The following NAT10 variants were observed in gnomAD, a reference collection of about 807,000 sequenced individuals.
NAT10 encodes N-acetyltransferase 10.
A neutral mutation model predicts 132.2 loss-of-function variants in NAT10; 109 were observed. The observed-to-expected ratio is 0.82, with a 90% CI of 0.71 to 0.97. NAT10 has a LOEUF of 0.97. Ranked by LOEUF, NAT10 falls within the 50% of genes least tolerant of loss-of-function variation. The probability of loss-of-function intolerance (pLI) is 0.00; values close to 1 mark genes in which losing one functional copy is unlikely to be tolerated. For missense variants in NAT10, 1,184 were observed against 1,263.4 expected (o/e 0.94, Z 0.95); for synonymous variants, 479 against 478.0 (o/e 1.00, Z -0.03).
intron 28 of NAT10, among the ~76,000 whole-genome samples, chr11:34,144,173 G>A (rs1040951461): frequency 1.3e-5 from 2 of 152,122 alleles, no homozygotes; most frequent in East Asian, 1.9e-4. Context: ...AGTGGCTCAC[G>A]CCTGTAATCT....
At chr11:34,109,960 C>G (rs1851664970) in intron 3 of NAT10, among the ~76,000 whole-genome samples, 1 of 152,192 alleles carries the variant, frequency 6.6e-6, no homozygotes, top group African/African-American at 2.4e-5. Flanking sequence ...ATGCCCACAC[C>G]TGGCCAGAGG....
Position 34,142,361 on chromosome 11 carries a change from G to T in NAT10, c.2885+13G>T, listed in dbSNP as rs1482761258. On this transcript the variant is annotated intron_variant, in intron 27 of 28. Coordinates refer to ENST00000257829, the MANE Select transcript of NAT10 (RefSeq NM_024662.3). Reference sequence around the variant, plus strand: ...TGGACCTCTCTGAGTAAGGCTTGTGGGAAGCAGAGGGTTTGCCTTGGCTTC... The same window carrying T: ...TGGACCTCTCTGAGTAAGGCTTGTGTGAAGCAGAGGGTTTGCCTTGGCTTC... The T allele has an allele frequency of 6.2e-7, 1 of 1,613,094 alleles. No homozygotes were observed. Among genetic ancestry groups the T allele is most frequent in the African/African-American group, 1.3e-5 (1 of 75,010 alleles).
chr11:34,118,602 C>T, intron 8 of NAT10, 99 bp downstream of exon 8: 1 of 892,024 alleles, frequency 1.1e-6, no homozygotes, highest in Non-Finnish European at 1.7e-6. Flanking sequence ...CCCAGACCCT[C>T]CCTGGAGAAG....
intron 8 of NAT10, among the ~76,000 whole-genome samples, chr11:34,119,638 G>C (rs1005969289): frequency 6.6e-6 from 1 of 152,132 alleles, no homozygotes; most frequent in African/African-American, 2.4e-5. Flanking sequence ...AATAAGAAGT[G>C]GTGTTTCCAC....
rs536915362 is a variant in NAT10, at chr11:34,138,883, A to T, written c.2212-308A>T. 1.2e-5 allele frequency: 4 copies of T among 326,964 alleles called. No homozygotes were observed. In the East Asian group the frequency reaches 2.5e-4, roughly 20 times the overall value. The allele number at this position is 326,964 out of a possible 1,614,324, so 20.3% of individuals were successfully genotyped here. On this transcript the variant is annotated intron_variant, in intron 21 of 28. Transcript: ENST00000257829. The stretch of plus-strand genomic sequence containing the variant: ...TTCAGCATCTACCTGAGAGGAGCAC[A>T]TATTTCCCTCCCGCACGTCCCGAGC...
chr11:34,125,557 A>G (rs1197809676), intron 11 of NAT10, among the ~76,000 whole-genome samples: 2 of 152,022 alleles, frequency 1.3e-5, no homozygotes, highest in Non-Finnish European at 2.9e-5. Context: ...AGTTGGCTTC[A>G]CCTCCCCTGG....
At chr11:34,139,614 A>C in intron 23 of NAT10, 119 bp downstream of exon 23, 1 of 846,232 alleles carries the variant, frequency 1.2e-6, no homozygotes, top group Non-Finnish European at 1.9e-6. Flanking sequence ...GCCTGCAGTC[A>C]CTCGCTGGTC....
At chr11:34,130,292 A>G (rs1338329821) in intron 12 of NAT10, among the ~76,000 whole-genome samples, 1 of 152,224 alleles carries the variant, frequency 6.6e-6, no homozygotes, top group African/African-American at 2.4e-5. Context: ...GGGCATAGCA[A>G]TGAAAAGAAT....
At chr11:34,119,326 C>A (rs186768907) in intron 8 of NAT10, among the ~76,000 whole-genome samples, 147 of 152,334 alleles carry the variant, frequency 9.6e-4, no homozygotes, top group African/African-American at 3.4e-3. Flanking sequence ...GCATGGGTCG[C>A]TGCCCTTGAG....
chr11:34,132,736 G>A (rs1476473104), intron 15 of NAT10, among the ~76,000 whole-genome samples: 1 of 152,186 alleles, frequency 6.6e-6, no homozygotes, highest in African/African-American at 2.4e-5. Flanking sequence ...TCTGTAAAAA[G>A]TTCACTTCCT....
chr11:34,131,402 C>G lies in NAT10; in HGVS notation c.1391C>G (p.Ser464Cys). The G allele has an allele frequency of 6.2e-7, 1 of 1,613,890 alleles. No individual in the cohort carries two copies. The highest frequency in any genetic ancestry group is 8.5e-7 in the Non-Finnish European group (1 of 1,179,892). ...GCAGCGCGGACACTGTATGAGGTTTCCCTCCAGGAGTCAATCCGATACGCC... is the reference window on the plus strand; with the variant it reads ...GCAGCGCGGACACTGTATGAGGTTTGCCTCCAGGAGTCAATCCGATACGCC... ...LASARTLYEV[S>C]LQESIRYAPG... is the part of the protein sequence containing the mutation. Residue 464 changes from serine (S) to cysteine (C), a missense_variant, in exon 14 of 29, where the codon TCC becomes TGC. By Grantham distance (112) the Ser-to-Cys change is moderately radical. Coordinates refer to ENST00000257829, the MANE Select transcript of NAT10 (RefSeq NM_024662.3).
rs116150016 is a variant in NAT10 at position 34,127,445 on chromosome 11, A to T, written c.1108-18A>T. 1,704 of 1,584,294 alleles carry T rather than the reference A, an allele frequency of 1.1e-3. 28 individuals carry two copies. In the African/African-American group the frequency reaches 0.021, roughly 20 times the overall value. The stretch of plus-strand genomic sequence containing the variant: ...ATGAGTTCACTATGCTAATAATCTA[A>T]ATTTTCCTTCCCCATAGTATATACA... On this transcript the variant is annotated intron_variant, in intron 11 of 28. Coordinates refer to ENST00000257829, the MANE Select transcript of NAT10 (RefSeq NM_024662.3).
intron 18 of NAT10, among the ~76,000 whole-genome samples, 179 bp downstream of exon 18, chr11:34,134,765 C>T (rs1352674203): frequency 1.3e-5 from 2 of 152,170 alleles, no homozygotes; most frequent in Non-Finnish European, 2.9e-5. Flanking sequence ...ATGGCATATG[C>T]TCACTCTTCC....
At chr11:34,109,413 C>T (rs1486754758) in intron 3 of NAT10, among the ~76,000 whole-genome samples, 1 of 152,182 alleles carries the variant, frequency 6.6e-6, no homozygotes, top group East Asian at 1.9e-4. Context: ...TTGCCATATA[C>T]CTTAAAACAG....
intron 11 of NAT10, among the ~76,000 whole-genome samples, chr11:34,126,567 C>G (rs1346037834): frequency 6.6e-6 from 1 of 152,170 alleles, no homozygotes; most frequent in Admixed American, 6.5e-5. Flanking sequence ...CCAAATTCTC[C>G]TTCAAAGTGT....
intron 4 of NAT10, 54 bp from the exon 5 acceptor site, chr11:34,113,660 AGT>A (rs1851735903): frequency 3.0e-6 from 4 of 1,329,576 alleles, no homozygotes; most frequent in African/African-American, 1.7e-5. Flanking sequence ...AAAAAAAAAA[AGT>A]CCTTTGGGTT....
chr11:34,130,444 A>G (rs1376737147), intron 12 of NAT10, among the ~76,000 whole-genome samples: 1 of 152,194 alleles, frequency 6.6e-6, no homozygotes, highest in Non-Finnish European at 1.5e-5. Context: ...TAAAGCCTTT[A>G]TGCTAAAGGC....
At chr11:34,145,498 T>G (rs1438892826) in intron 28 of NAT10, among the ~76,000 whole-genome samples, 2 of 152,184 alleles carry the variant, frequency 1.3e-5, no homozygotes, top group African/African-American at 4.8e-5. Context: ...AGGTGGCCGT[T>G]TGCTGAGTGA....
rs567954018 is a variant in NAT10 at position 34,127,708 on chromosome 11, T to G, written c.1244+109T>G. 787 of 1,359,264 alleles carry G rather than the reference T, an allele frequency of 5.8e-4. 3 individuals are homozygous for G. The highest frequency in any genetic ancestry group is 6.7e-4 in the Non-Finnish European group (672 of 998,270). 84.2% of individuals were successfully genotyped at this position (1,359,264 alleles called of 1,614,324 possible). On this transcript the variant is annotated intron_variant, in intron 12 of 28. Coordinates refer to ENST00000257829, the MANE Select transcript of NAT10 (RefSeq NM_024662.3). Reference sequence around the variant, plus strand: ...GGACAGCCAAGTCTGATTCTCAGAGTCTCTGAGTGTTTGAGGCTGCTTCAT... The same window carrying G: ...GGACAGCCAAGTCTGATTCTCAGAGGCTCTGAGTGTTTGAGGCTGCTTCAT...
Sources: allele counts gnomAD v4.1 joint callset (sites outside exome capture counted in the v4.1 genomes callset), GRCh38; gene constraint gnomAD v4.1.1; transcripts MANE v1.5; gene names NCBI Gene and HGNC (gene_info 2026-07-23, HGNC 2026-07-21).